Variants in GMDS observed in about 807,000 individuals in gnomAD.
The protein encoded by GMDS is GDP-mannose 4,6 dehydratase.
A neutral mutation model predicts 49.9 loss-of-function variants in GMDS; 20 were observed. That is an observed-to-expected ratio of 0.40 (90% confidence interval 0.28 to 0.58). The LOEUF is 0.58. GMDS is among the 20% of genes least tolerant of loss of function. GMDS has a pLI of 0.42. For synonymous variants in GMDS, 177 were observed against 178.6 expected (o/e 0.99, Z 0.07); for missense variants, 362 against 481.4 (o/e 0.75, Z 2.32).
chr6:1,707,985 C>A (rs1431292547), intron 9 of GMDS, among the ~76,000 whole-genome samples: 3 of 152,160 alleles, frequency 2.0e-5, no homozygotes, highest in South Asian at 2.1e-4. Context: ...TAGGCTACAT[C>A]CTTACTATTC....
chr6:2,047,789 C>T (rs116194530), intron 4 of GMDS, among the ~76,000 whole-genome samples: 709 of 152,122 alleles, frequency 4.7e-3, no homozygotes, highest in Non-Finnish European at 7.3e-3. Context: ...GCACTCAGCC[C>T]GTTCACACAA....
chr6:1,992,646 G>A (rs895844571), intron 4 of GMDS, among the ~76,000 whole-genome samples: 3 of 124,726 alleles, frequency 2.4e-5, no homozygotes, highest in African/African-American at 1.0e-4. Context: ...CACTGCCTCC[G>A]CCCTAGCACT....
intron 1 of GMDS, among the ~76,000 whole-genome samples, chr6:2,144,839 C>A (rs1406765476): frequency 6.6e-6 from 1 of 152,144 alleles, no homozygotes; most frequent in African/African-American, 2.4e-5. Flanking sequence ...CAAAGTAAGG[C>A]CAGGTAGGAG....
chr6:1,888,472 G>C (rs888967381), intron 7 of GMDS, among the ~76,000 whole-genome samples: 1 of 152,034 alleles, frequency 6.6e-6, no homozygotes, highest in Non-Finnish European at 1.5e-5. Flanking sequence ...CACCATGGGG[G>C]AAACGACCCC....
intron 7 of GMDS, among the ~76,000 whole-genome samples, chr6:1,845,220 T>A (rs1757337462): frequency 1.3e-5 from 2 of 152,196 alleles, no homozygotes; most frequent in Non-Finnish European, 2.9e-5. Context: ...TATTGTACAT[T>A]AAAAGTAAAA....
intron 1 of GMDS, among the ~76,000 whole-genome samples, chr6:2,223,931 G>C (rs1780707965): frequency 6.6e-6 from 1 of 152,134 alleles, no homozygotes; most frequent in Admixed American, 6.6e-5. Context: ...AGTCAGGAAT[G>C]GTATGTTAAG....
Position 1,930,247 on chromosome 6 carries a change from G to C in GMDS, c.644-17C>G. 1 of 1,610,002 alleles carries C rather than the reference G, an allele frequency of 6.2e-7. No individual in the cohort carries two copies. Among genetic ancestry groups the C allele is most frequent in the East Asian group, 2.2e-5 (1 of 44,816 alleles). ...AATTAGCTCCTAAAAAGAGGCAAAA[G>C]ATGTAGTATCAGTCAAGTGCACTTG... On this transcript the variant is annotated splice_polypyrimidine_tract_variant and intron_variant, in intron 6 of 10. Transcript: ENST00000380815.
chr6:2,234,887 A>G (rs1293063881), intron 1 of GMDS, among the ~76,000 whole-genome samples: 7 of 152,188 alleles, frequency 4.6e-5, no homozygotes, highest in Admixed American at 3.9e-4. Context: ...GCACTCTGGG[A>G]GGCCAAGGTG....
intron 7 of GMDS, among the ~76,000 whole-genome samples, chr6:1,793,920 T>C (rs960043062): frequency 3.3e-5 from 5 of 152,212 alleles, no homozygotes; most frequent in African/African-American, 1.2e-4. Context: ...CTTAGGTCTA[T>C]AGGACAGAGT....
chr6:1,864,726 A>G (rs748342431), intron 7 of GMDS, among the ~76,000 whole-genome samples: 4 of 152,216 alleles, frequency 2.6e-5, no homozygotes, highest in Non-Finnish European at 4.4e-5. Flanking sequence ...CTCACTGCCT[A>G]TCGCCTAACA....
intron 7 of GMDS, among the ~76,000 whole-genome samples, chr6:1,813,103 T>C (rs544907046): frequency 1.3e-5 from 2 of 151,178 alleles, no homozygotes; most frequent in African/African-American, 2.4e-5. Context: ...ATGAGCACAG[T>C]CCCAGCTACT....
At chr6:1,777,189 G>C (rs7764505) in intron 7 of GMDS, among the ~76,000 whole-genome samples, 19,211 of 152,292 alleles carry the variant, frequency 0.13, 1,370 homozygotes, top group South Asian at 0.2. Flanking sequence ...AACAGGTTAC[G>C]TGGCTCCTGC....
intron 7 of GMDS, among the ~76,000 whole-genome samples, chr6:1,862,198 T>C (rs761722892): frequency 2.0e-5 from 3 of 152,242 alleles, no homozygotes; most frequent in Non-Finnish European, 4.4e-5. Context: ...ACCAGACCAA[T>C]AAAATAACGT....
At chr6:1,808,080 G>A (rs1770256094) in intron 7 of GMDS, among the ~76,000 whole-genome samples, 1 of 152,124 alleles carries the variant, frequency 6.6e-6, no homozygotes, top group African/African-American at 2.4e-5. Flanking sequence ...TTTGCAGTAC[G>A]CTTTTCTGCC....
intron 9 of GMDS, among the ~76,000 whole-genome samples, chr6:1,722,062 C>CTT (rs11356149): frequency 7.4e-4 from 59 of 80,222 alleles, no homozygotes; most frequent in East Asian, 8.4e-4. Context: ...GCTATCACGT[C>CTT]TTTTTTTTTT....
At chr6:1,732,200 A>G (rs1336472103) in intron 8 of GMDS, among the ~76,000 whole-genome samples, 7 of 151,986 alleles carry the variant, frequency 4.6e-5, no homozygotes, top group Non-Finnish European at 7.4e-5. Flanking sequence ...GGTGGCGGGC[A>G]CCTGTAGTCC....
chr6:2,078,433 T>A (rs538382722), intron 4 of GMDS, among the ~76,000 whole-genome samples: 2 of 152,276 alleles, frequency 1.3e-5, no homozygotes, highest in South Asian at 4.1e-4. Context: ...AGTACTGCTT[T>A]TGCTGTATCC....
At chr6:1,974,470 A>G (rs1457368854) in intron 4 of GMDS, among the ~76,000 whole-genome samples, 4 of 152,178 alleles carry the variant, frequency 2.6e-5, no homozygotes, top group Non-Finnish European at 5.9e-5. Flanking sequence ...TAGGCACAGG[A>G]GGGATGCAGA....
intron 4 of GMDS, among the ~76,000 whole-genome samples, chr6:1,998,883 T>TTTA (rs1554143648): frequency 2.0e-5 from 3 of 151,404 alleles, no homozygotes; most frequent in Non-Finnish European, 4.4e-5. Flanking sequence ...CTGTTTTTTT[T>TTTA]AAAACAAAAA....
Sources: gnomAD v4.1 joint callset for allele counts (sites outside exome capture counted in the v4.1 genomes callset) on GRCh38, gnomAD v4.1.1 for gene constraint, MANE v1.5 for transcripts, NCBI Gene and HGNC (gene_info 2026-07-23, HGNC 2026-07-21) for gene names.